The following CLK4 variants were observed in gnomAD, a reference collection of about 807,000 sequenced individuals.
CLK4 encodes the protein CDC like kinase 4.
A neutral mutation model predicts 64.4 loss-of-function variants in CLK4; 37 were observed. That is an observed-to-expected ratio of 0.57 (90% confidence interval 0.44 to 0.76). The LOEUF (loss-of-function observed/expected upper bound fraction) is 0.76, where lower values mean the gene tolerates loss of function less well. Among genes scored for constraint, CLK4 ranks in the 30% least tolerant of loss-of-function variants. The probability of loss-of-function intolerance (pLI) is 0.00; values close to 1 mark genes in which losing one functional copy is unlikely to be tolerated. For missense variants in CLK4, 457 were observed against 605.1 expected, an observed-to-expected ratio of 0.76 and a Z score of 2.57; for synonymous variants, 175 against 191.6, an observed-to-expected ratio of 0.91 and a Z score of 0.72.
At chr5:178,622,550 T>C (rs1764721349) in intron 2 of CLK4, 1 of 316,290 alleles carries the variant, frequency 3.2e-6, no homozygotes, top group Non-Finnish European at 4.6e-6. Context: ...TCTTTAATCA[T>C]TTAGAACTTT....
At chr5:178,622,046 G>A (rs1289172271) in intron 2 of CLK4, 1 of 152,094 alleles carries the variant, frequency 6.6e-6, no homozygotes, top group Non-Finnish European at 1.5e-5. Context: ...TGGTTAACTG[G>A]ACTCAGTATC....
chr5:178,608,262 A>G, intron 10 of CLK4, 114 bp downstream of exon 10: 1 of 692,804 alleles, frequency 1.4e-6, no homozygotes, highest in Admixed American at 3.2e-5. Flanking sequence ...CTAAGTTTTA[A>G]TCTCAAGAAT....
rs1160570501 is a variant in CLK4 at position 178,619,770 on chromosome 5, T to C, written c.162-992A>G. The C allele has an allele frequency of 1.4e-5, 18 of 1,277,938 alleles. No homozygotes were observed. In the East Asian group the frequency reaches 2.3e-4, roughly 16 times the overall value. The allele number at this position is 1,277,938 out of a possible 1,614,324, so 79.2% of individuals were successfully genotyped here. On this transcript the variant is annotated intron_variant, in intron 2 of 12. Transcript: ENST00000316308. ...AGGATGTCAATGGATCCCAGTTAAG[T>C]GGCCTTGATCTGATGGAAAGAAAAG...
At chr5:178,607,126 A>C (rs1764478970) in intron 10 of CLK4, among the ~76,000 whole-genome samples, 1 of 151,492 alleles carries the variant, frequency 6.6e-6, no homozygotes. Context: ...GAGACATTAA[A>C]AAAAAAAAAA....
rs528636307 is a variant in CLK4, at chr5:178,617,253, T to C, written c.475+91A>G. ...CACAAAAAGCAAAATAAAAAAGCAA[T>C]GAAGAGTTCTTTAGCCCCCCGCTGA... On this transcript the variant is annotated intron_variant, in intron 4 of 12. Coordinates refer to ENST00000316308, the MANE Select transcript of CLK4 (RefSeq NM_020666.3). This position sits in a 1 kb window ranked among gnomAD's most constrained non-coding sequence, Gnocchi z 5.2. The C allele has an allele frequency of 2.0e-5, 20 of 980,200 alleles. 1 individual carries two copies. The South Asian group carries it at 2.6e-4, about 13-fold the overall frequency. The allele number at this position is 980,200 out of a possible 1,614,324, so 60.7% of individuals were successfully genotyped here.
intron 2 of CLK4, chr5:178,620,420 T>C (rs766929207): frequency 4.2e-5 from 11 of 264,036 alleles, no homozygotes; most frequent in Admixed American, 1.9e-4. Context: ...TAACAAAACA[T>C]GGAGTGAACA....
rs1724541674 is a variant in CLK4 at position 178,618,638 on chromosome 5, C to T, written c.302G>A (p.Cys101Tyr). 2 of 1,613,938 alleles carry T rather than the reference C, an allele frequency of 1.2e-6. No individual in the cohort carries two copies. Among genetic ancestry groups the T allele is most frequent in the South Asian group, 2.2e-5 (2 of 91,088 alleles). The part of the protein sequence containing the change: ...RDIESGYRIH[C>Y]SKSSVRSRRS... ...CCTGCTGCGGACTGAAGATTTACTGCAGTGGATTCGATACCCGCTTTCAAT... is the reference window on the plus strand; with the variant it reads ...CCTGCTGCGGACTGAAGATTTACTGTAGTGGATTCGATACCCGCTTTCAAT... Residue 101 changes from cysteine to tyrosine, a missense_variant, in exon 3 of 13, where the codon TGC becomes TAC. Transcript: ENST00000316308.
chr5:178,613,929 C>A, intron 5 of CLK4, 86 bp from the exon 6 acceptor site: 2 of 875,772 alleles, frequency 2.3e-6, no homozygotes, highest in Non-Finnish European at 3.7e-6. Context: ...TCTTAATTAC[C>A]AATTCCTCTA....
rs752045076 is a variant in CLK4, at chr5:178,608,406, A to G, written c.1104T>C (p.Ile368=). The G allele has an allele frequency of 3.1e-6, 5 of 1,609,932 alleles. No individual in the cohort carries two copies. The highest frequency in any genetic ancestry group is 4.2e-6 in the Non-Finnish European group (5 of 1,178,560). ...AGACTGTGAAACCAAGGTAATATTC[A>G]ATAAGAATGCAACCTATGCTCCAAA... ...CDVWSIGCIL[I]EYYLGFTVFQ... Residue 368 remains isoleucine, a synonymous_variant, in exon 10 of 13, where the codon ATT becomes ATC. Transcript: ENST00000316308.
chr5:178,612,465 G>A lies in CLK4; in HGVS notation c.1002C>T (p.His334=). Residue 334 remains histidine (H), a synonymous_variant, in exon 9 of 13, where the codon CAC becomes CAT. Transcript: ENST00000316308. The part of the protein sequence containing the change: ...FGSATYDDEH[H]STLVSTRHYR... ...AGTGCCGGGTAGACACCAAAGTACT[G>A]TGATGTTCATCATCATACGTTGCAC... 1 of 1,613,970 alleles carries A rather than the reference G, an allele frequency of 6.2e-7. No homozygotes were observed. Among genetic ancestry groups the A allele is most frequent in the Non-Finnish European group, 8.5e-7 (1 of 1,179,882 alleles).
Position 178,603,388 on chromosome 5 carries a change from A to G in CLK4, c.*229T>C. On this transcript the variant is annotated 3_prime_UTR_variant, in exon 13 of 13. Coordinates refer to ENST00000316308, the MANE Select transcript of CLK4 (RefSeq NM_020666.3). ...CACAAAGGATATTTCAAAGGTATTT[A>G]AAAATGGTAATTTCAAAAAGAAAAA... 1 of 293,886 alleles carries G rather than the reference A, an allele frequency of 3.4e-6. No individual in the cohort carries two copies. The highest frequency in any genetic ancestry group is 6.2e-6 in the Non-Finnish European group (1 of 161,050). 18.2% of individuals were successfully genotyped at this position (293,886 alleles called of 1,614,324 possible).
intron 1 of CLK4, among the ~76,000 whole-genome samples, chr5:178,624,511 T>C (rs1294638327): frequency 6.6e-6 from 1 of 152,180 alleles, no homozygotes; most frequent in Non-Finnish European, 1.5e-5. Flanking sequence ...CTGACTTTAT[T>C]TACAAACTCC....
At chr5:178,616,549 G>A (rs1214504601) in intron 5 of CLK4, among the ~76,000 whole-genome samples, 12 of 152,060 alleles carry the variant, frequency 7.9e-5, no homozygotes, top group Admixed American at 7.9e-4. Flanking sequence ...TAATCCCAAC[G>A]TTTTGGGAAA....
intron 8 of CLK4, 117 bp from the exon 9 acceptor site, chr5:178,612,662 A>G: frequency 8.2e-7 from 1 of 1,213,878 alleles, no homozygotes; most frequent in Non-Finnish European, 1.2e-6. Flanking sequence ...TGAGAAAGGC[A>G]AAGAAGGATT....
chr5:178,611,848 T>G (rs1339553640), intron 9 of CLK4, among the ~76,000 whole-genome samples: 1 of 152,204 alleles, frequency 6.6e-6, no homozygotes, highest in Non-Finnish European at 1.5e-5. Flanking sequence ...ATCTCTGACT[T>G]CCCTGATTTA....
chr5:178,622,380 A>T (rs1764719354), intron 2 of CLK4: 1 of 977,400 alleles, frequency 1.0e-6, no homozygotes, highest in African/African-American at 1.7e-5. Flanking sequence ...GGAGAAGGAA[A>T]GAAATTACAT....
chr5:178,603,489 T>C lies in CLK4; in HGVS notation c.*128A>G. Reference sequence around the variant, plus strand: ...TTAATTATGCTATTGATACAAAACATACAATATTTACACTTAACTGTACAA... The same window carrying C: ...TTAATTATGCTATTGATACAAAACACACAATATTTACACTTAACTGTACAA... On this transcript the variant is annotated 3_prime_UTR_variant, in exon 13 of 13. Transcript: ENST00000316308. 3.4e-6 allele frequency: 2 copies of C among 580,492 alleles called. No individual in the cohort carries two copies. Among genetic ancestry groups the C allele is most frequent in the Non-Finnish European group, 5.4e-6 (2 of 369,784 alleles). The allele number at this position is 580,492 out of a possible 1,614,324, so 36.0% of individuals were successfully genotyped here. A position where few individuals can be genotyped will look rare whatever the true frequency, so the allele number is the denominator to read the frequency against.
intron 10 of CLK4, among the ~76,000 whole-genome samples, chr5:178,608,004 T>C (rs1301468586): frequency 6.6e-6 from 1 of 152,204 alleles, no homozygotes; most frequent in Non-Finnish European, 1.5e-5. Flanking sequence ...TGTTTCTGAA[T>C]TCTTTTATAA....
intron 9 of CLK4, among the ~76,000 whole-genome samples, chr5:178,608,674 G>A (rs1481600103): frequency 1.3e-5 from 2 of 152,104 alleles, no homozygotes; most frequent in East Asian, 3.8e-4. Context: ...AACTAGGGAG[G>A]GGTGCATGTT....
Sources: gnomAD v4.1 joint callset for allele counts (sites outside exome capture counted in the v4.1 genomes callset) on GRCh38, gnomAD v4.1.1 for gene constraint, Gnocchi (gnomAD v3.1) non-coding constraint, MANE v1.5 for transcripts, NCBI Gene and HGNC (gene_info 2026-07-23, HGNC 2026-07-21) for gene names.